Variants in EYA1 observed in about 807,000 individuals in gnomAD.
EYA1 encodes protein phosphatase EYA1.
In EYA1, 16 loss-of-function variants were observed where a neutral mutation model predicts 82.0. The observed-to-expected ratio is 0.20, with a 90% CI of 0.13 to 0.30. EYA1 has a LOEUF of 0.30. EYA1 is among the 10% of genes least tolerant of loss of function. The pLI, the probability that EYA1 is intolerant of heterozygous loss-of-function variation, is 1.00. For synonymous variants in EYA1, 261 were observed against 264.4 expected, an observed-to-expected ratio of 0.99 and a Z score of 0.12; for missense variants, 633 against 730.7, an observed-to-expected ratio of 0.87 and a Z score of 1.54.
At chr8:71,419,990 C>T (rs1053584260) in intron 2 of EYA1, among the ~76,000 whole-genome samples, 1 of 152,102 alleles carries the variant, frequency 6.6e-6, no homozygotes, top group African/African-American at 2.4e-5. Context: ...CCCATTAAGG[C>T]TTGCTAGATA....
At chr8:71,451,273 A>G (rs1280914528) in intron 2 of EYA1, among the ~76,000 whole-genome samples, 1 of 152,232 alleles carries the variant, frequency 6.6e-6, no homozygotes, top group Non-Finnish European at 1.5e-5. Flanking sequence ...ATAAGTATAG[A>G]AAAACAAATA....
intron 11 of EYA1, among the ~76,000 whole-genome samples, chr8:71,259,480 C>T (rs970344091): frequency 2.0e-5 from 3 of 152,234 alleles, no homozygotes; most frequent in Non-Finnish European, 4.4e-5. Flanking sequence ...TCATGAAAGT[C>T]GCACAATTCA....
At chr8:71,483,057 C>G (rs1265598899) in intron 2 of EYA1, among the ~76,000 whole-genome samples, 1 of 152,228 alleles carries the variant, frequency 6.6e-6, no homozygotes, top group African/African-American at 2.4e-5. Context: ...GACCCCTGCT[C>G]AAGCCCATGA....
chr8:71,496,993 GAC>G lies in EYA1; in HGVS notation c.33+38749_33+38750del, dbSNP rs373750850. On this transcript the variant is annotated intron_variant, in intron 2 of 18. Transcript: ENST00000643681. Reference sequence around the variant, plus strand: ...GCACAGGCAACAAAAGGAAAAATAAGACAAATGAGATTACATACATCAAACCA... The same window carrying G: ...GCACAGGCAACAAAAGGAAAAATAAGAAATGAGATTACATACATCAAACCA... Among the ~76,000 whole-genome samples, 9 of 149,778 alleles carry G rather than the reference GAC, an allele frequency of 6.0e-5. 1 individual carries two copies. The highest frequency in any genetic ancestry group is 2.2e-4 in the African/African-American group (9 of 40,902).
chr8:71,459,762 T>G (rs376596607), intron 2 of EYA1, among the ~76,000 whole-genome samples: 1 of 152,270 alleles, frequency 6.6e-6, no homozygotes, highest in African/African-American at 2.4e-5. Context: ...TCTTAATATA[T>G]TATATATTCC....
chr8:71,492,106 T>C (rs1477853206), intron 2 of EYA1, among the ~76,000 whole-genome samples: 2 of 152,142 alleles, frequency 1.3e-5, no homozygotes, highest in Non-Finnish European at 2.9e-5. Flanking sequence ...CCATTAGCAG[T>C]GGCCGACTGA....
At chr8:71,327,834 G>T (rs527852032) in intron 4 of EYA1, among the ~76,000 whole-genome samples, 57 of 151,124 alleles carry the variant, frequency 3.8e-4, no homozygotes, top group African/African-American at 1.3e-3. Flanking sequence ...ATAATAGTTA[G>T]GGCGGGAATC....
chr8:71,310,194 TA>T (rs1383222530), intron 7 of EYA1, among the ~76,000 whole-genome samples: 2 of 152,156 alleles, frequency 1.3e-5, no homozygotes. Flanking sequence ...CTACGAGTAT[TA>T]ACACAAGGAA....
At chr8:71,508,868 T>G (rs1166725828) in intron 2 of EYA1, among the ~76,000 whole-genome samples, 2 of 152,192 alleles carry the variant, frequency 1.3e-5, no homozygotes, top group African/African-American at 2.4e-5. Flanking sequence ...ACGTTTATTC[T>G]ACTGCACTAA....
At chr8:71,207,626 T>C (rs991635362) in intron 17 of EYA1, among the ~76,000 whole-genome samples, 1 of 152,182 alleles carries the variant, frequency 6.6e-6, no homozygotes, top group Non-Finnish European at 1.5e-5. Flanking sequence ...GGTGGCTGCC[T>C]AATTTCTTTT....
At chr8:71,528,226 T>C (rs924342448) in intron 2 of EYA1, among the ~76,000 whole-genome samples, 2 of 152,154 alleles carry the variant, frequency 1.3e-5, no homozygotes, top group Non-Finnish European at 2.9e-5. Flanking sequence ...AATTTTCATC[T>C]TTGTCACACT....
chr8:71,258,740 C>T (rs974800295), intron 11 of EYA1, among the ~76,000 whole-genome samples: 1 of 152,216 alleles, frequency 6.6e-6, no homozygotes, highest in African/African-American at 2.4e-5. Flanking sequence ...TACATTTGCA[C>T]TGCTAATTCT....
intron 12 of EYA1, among the ~76,000 whole-genome samples, chr8:71,239,414 T>A (rs542688406): frequency 3.3e-5 from 5 of 152,294 alleles, no homozygotes; most frequent in African/African-American, 1.2e-4. Flanking sequence ...AGACAACACA[T>A]AACAATTCAG....
chr8:71,303,321 C>CAG (rs1317531809), intron 7 of EYA1, among the ~76,000 whole-genome samples: 2 of 141,342 alleles, frequency 1.4e-5, no homozygotes, highest in African/African-American at 5.0e-5. Context: ...GATATACACA[C>CAG]ACACACACAC....
chr8:71,347,508 G>C (rs1341073116), intron 3 of EYA1, among the ~76,000 whole-genome samples: 1 of 151,972 alleles, frequency 6.6e-6, no homozygotes, highest in Non-Finnish European at 1.5e-5. Context: ...ATTTTTAGTA[G>C]AGACGGGGTT....
At chr8:71,220,192 A>G (rs1479500786) in intron 12 of EYA1, among the ~76,000 whole-genome samples, 1 of 152,226 alleles carries the variant, frequency 6.6e-6, no homozygotes, top group Non-Finnish European at 1.5e-5. Context: ...GAACATACAT[A>G]ATTCTATGGG....
chr8:71,218,556 G>T (rs572777316), intron 12 of EYA1, among the ~76,000 whole-genome samples: 1 of 152,128 alleles, frequency 6.6e-6, no homozygotes, highest in Non-Finnish European at 1.5e-5. Context: ...CTGCTCTCCT[G>T]AGGTCCATAA....
chr8:71,499,658 A>T lies in EYA1; in HGVS notation c.33+36086T>A, dbSNP rs180840229. Among the ~76,000 whole-genome samples the T allele has an allele frequency of 7.9e-5, 12 of 152,358 alleles. No homozygotes were observed. The East Asian group carries it at 2.3e-3, about 29-fold the overall frequency. ...AAAACTATAGAAAGCTCAATAAATT[A>T]TTTAAATACAGTGTGACATGACTAT... On this transcript the variant is annotated intron_variant, in intron 2 of 18. Transcript: ENST00000643681.
intron 3 of EYA1, among the ~76,000 whole-genome samples, chr8:71,343,515 G>A (rs1024811095): frequency 3.9e-5 from 6 of 152,146 alleles, no homozygotes; most frequent in Non-Finnish European, 8.8e-5. Flanking sequence ...AGAAGAGGAA[G>A]AGGAACCTGA....
Sources: gnomAD v4.1 joint callset for allele counts (sites outside exome capture counted in the v4.1 genomes callset) on GRCh38, gnomAD v4.1.1 for gene constraint, MANE v1.5 for transcripts, NCBI Gene and HGNC (gene_info 2026-07-23, HGNC 2026-07-21) for gene names.